Variants in ATP1A4 observed in about 807,000 individuals in gnomAD.
ATP1A4 encodes the protein ATPase Na+/K+ transporting subunit alpha 4, also known as sodium/potassium-transporting ATPase subunit alpha-4.
ATP1A4 carries 90 observed loss-of-function variants against 114.3 expected under a neutral mutation model. The observed-to-expected ratio is 0.79, with a 90% CI of 0.66 to 0.94. The LOEUF (loss-of-function observed/expected upper bound fraction) is 0.94, where lower values mean the gene tolerates loss of function less well. Among genes scored for constraint, ATP1A4 ranks in the 40% least tolerant of loss-of-function variants. The pLI, the probability that ATP1A4 is intolerant of heterozygous loss-of-function variation, is 0.00. For synonymous variants in ATP1A4, 511 were observed against 494.1 expected, an observed-to-expected ratio of 1.03 and a Z score of -0.45; for missense variants, 1,222 against 1,313.6, an observed-to-expected ratio of 0.93 and a Z score of 1.08.
chr1:160,186,902 G>A lies in ATP1A4; in HGVS notation c.*203G>A, dbSNP rs1002490515. 1 of 641,758 alleles carries A rather than the reference G, an allele frequency of 1.6e-6. No individual in the cohort carries two copies. The highest frequency in any genetic ancestry group is 2.4e-5 in the Admixed American group (1 of 41,978). 39.8% of individuals were successfully genotyped at this position (641,758 alleles called of 1,614,324 possible). On this transcript the variant is annotated 3_prime_UTR_variant, in exon 22 of 22. Coordinates refer to ENST00000368081, the MANE Select transcript of ATP1A4 (RefSeq NM_144699.4). ...GGGAAGCCCAGCCTGCATCTAGCTG[G>A]AGCCCCGCAGGGAGGGGCATGGTCC...
At chr1:160,165,603 CA>C (rs554223969) in intron 7 of ATP1A4, among the ~76,000 whole-genome samples, 99 of 148,732 alleles carry the variant, frequency 6.7e-4, no homozygotes, top group African/African-American at 1.2e-3. Flanking sequence ...ACTAAAAATA[CA>C]AAAAAAAAAT....
In ATP1A4 at chr1:160,159,510, C is replaced by T. The variant is rs1375061778; in HGVS notation, c.762C>T (p.Ser254=). 1.2e-6 allele frequency: 2 copies of T among 1,613,434 alleles called. No homozygotes were observed. Among genetic ancestry groups the T allele is most frequent in the Non-Finnish European group, 1.7e-6 (2 of 1,179,692 alleles). ...PLETRNICFF[S]TNCVEGTARG... is the part of the protein sequence containing the mutation. The stretch of plus-strand genomic sequence containing the variant: ...AGACCCGAAACATCTGCTTCTTTTC[C>T]ACCAACTGTGTGGAAGGTGAATATC... The change falls in exon 6 of 22, where the codon TCC becomes TCT. Residue 254 remains serine (S), a synonymous_variant. Coordinates refer to ENST00000368081, the MANE Select transcript of ATP1A4 (RefSeq NM_144699.4).
intron 7 of ATP1A4, among the ~76,000 whole-genome samples, 161 bp downstream of exon 7, chr1:160,164,585 CT>C (rs1652970783): frequency 6.6e-6 from 1 of 152,200 alleles, no homozygotes; most frequent in African/African-American, 2.4e-5. Flanking sequence ...ACACTGACTC[CT>C]TCTGCCCATA....
chr1:160,171,468 A>C lies in ATP1A4; in HGVS notation c.1681+28A>C, dbSNP rs569007858. 16 of 1,610,038 alleles carry C rather than the reference A, an allele frequency of 9.9e-6. 1 individual carries two copies. In the South Asian group the frequency reaches 1.8e-4, roughly 18 times the overall value. ...GAGGAGCTTTGGGAGAAGTTTTTAA[A>C]AGAATGGCATCAAAATGGTTATTAT... is the stretch of plus-strand genomic sequence containing the variant. On this transcript the variant is annotated intron_variant, in intron 11 of 21. Coordinates refer to ENST00000368081, the MANE Select transcript of ATP1A4 (RefSeq NM_144699.4).
At chr1:160,173,932 G>A (rs983424266) in intron 13 of ATP1A4, among the ~76,000 whole-genome samples, 179 bp from the exon 14 acceptor site, 1 of 152,138 alleles carries the variant, frequency 6.6e-6, no homozygotes, top group African/African-American at 2.4e-5. Context: ...GAGAGGAGTG[G>A]TTGGCAAAAG....
intron 13 of ATP1A4, 115 bp downstream of exon 13, chr1:160,173,832 G>C (rs1557804783): frequency 7.6e-7 from 1 of 1,319,978 alleles, no homozygotes; most frequent in Non-Finnish European, 1.0e-6. Flanking sequence ...AGGATGTGTG[G>C]GGTTTACACT....
rs1318805476 is a variant in ATP1A4, at chr1:160,181,690, G to A, written c.2743G>A (p.Glu915Lys). 4 of 1,613,934 alleles carry A rather than the reference G, an allele frequency of 2.5e-6. No individual in the cohort carries two copies. Among genetic ancestry groups the A allele is most frequent in the Non-Finnish European group, 3.4e-6 (4 of 1,180,018 alleles). Residue 915 changes from glutamate to lysine, a missense_variant, in exon 19 of 22, where the codon GAG becomes AAG. Physicochemically the swap from Glu to Lys is moderately conservative, Grantham distance 56. Transcript: ENST00000368081. ...CTCTCCCTGCTGTCTCTAGACCTAT[G>A]AGCAACGAAAAGTTGTGGAGTTCAC... The part of the protein sequence containing the change: ...EDSYGQQWTY[E>K]QRKVVEFTCQ...
intron 17 of ATP1A4, 21 bp downstream of exon 17, chr1:160,176,623 G>A (rs760532712): frequency 6.2e-7 from 1 of 1,610,298 alleles, no homozygotes; most frequent in East Asian, 2.2e-5. Flanking sequence ...AGGAATGAGG[G>A]GTGGAGGGAG....
At position 160,159,489 on chromosome 1, in the gene ATP1A4, C is replaced by A; in HGVS notation, c.741C>A (p.Thr247=). 6.2e-7 allele frequency: 1 copy of A among 1,613,194 alleles called. No individual in the cohort carries two copies. Among genetic ancestry groups the A allele is most frequent in the Non-Finnish European group, 8.5e-7 (1 of 1,179,804 alleles). ...PDFTHENPLE[T]RNICFFSTNC... is the part of the protein sequence containing the mutation. ...TCACCCATGAGAACCCTCTGGAGAC[C>A]CGAAACATCTGCTTCTTTTCCACCA... is the stretch of plus-strand genomic sequence containing the variant. Residue 247 remains threonine (T), a synonymous_variant, in exon 6 of 22, where the codon ACC becomes ACA. Transcript: ENST00000368081.
chr1:160,186,166 C>T (rs1316987854), intron 20 of ATP1A4, 110 bp from the exon 21 acceptor site: 9 of 772,996 alleles, frequency 1.2e-5, no homozygotes, highest in Non-Finnish European at 1.8e-5. Flanking sequence ...CAGTCCCACG[C>T]ACACAGTAGA....
At position 160,186,813 on chromosome 1, in the gene ATP1A4, G is replaced by A. The variant is rs921304046; in HGVS notation, c.*114G>A. 29 of 1,236,906 alleles carry A rather than the reference G, an allele frequency of 2.3e-5. No individual in the cohort carries two copies. The highest frequency in any genetic ancestry group is 1.9e-4 in the Middle Eastern group (1 of 5,372). 76.6% of individuals were successfully genotyped at this position (1,236,906 alleles called of 1,614,324 possible). On this transcript the variant is annotated 3_prime_UTR_variant, in exon 22 of 22. Transcript: ENST00000368081. ...GACACTAGGATGAATTATCTTGGAT[G>A]AGAAAGATGGGCAATCCTGGGCTGG... is the stretch of plus-strand genomic sequence containing the variant.
Position 160,151,765 on chromosome 1 carries a change from G to T in ATP1A4, c.-276G>T. ...CTACCTTTTTATCCTTCCACCCTAGGCTTCTCTCCTCCCTCTTCCCTCACT... is the reference window on the plus strand; with the variant it reads ...CTACCTTTTTATCCTTCCACCCTAGTCTTCTCTCCTCCCTCTTCCCTCACT... On this transcript the variant is annotated 5_prime_UTR_variant, in exon 1 of 22. Transcript: ENST00000368081. 2.7e-6 allele frequency: 1 copy of T among 366,460 alleles called. No individual in the cohort carries two copies. The highest frequency in any genetic ancestry group is 5.0e-6 in the Non-Finnish European group (1 of 200,078). 22.7% of individuals were successfully genotyped at this position (366,460 alleles called of 1,614,324 possible).
chr1:160,177,490 C>T lies in ATP1A4; in HGVS notation c.2591-29C>T, dbSNP rs1327125172. On this transcript the variant is annotated intron_variant, in intron 17 of 21. Transcript: ENST00000368081. The stretch of plus-strand genomic sequence containing the variant: ...TTGGGGCCCTTCTCTGAACCAGGCT[C>T]CCCTGTCCTGCAACTCTGTCATTCA... 6 of 1,611,986 alleles carry T rather than the reference C, an allele frequency of 3.7e-6. No individual in the cohort carries two copies. The East Asian group carries it at 8.9e-5, about 24-fold the overall frequency.
intron 4 of ATP1A4, among the ~76,000 whole-genome samples, chr1:160,158,692 T>C (rs1652760442): frequency 6.6e-6 from 1 of 152,162 alleles, no homozygotes; most frequent in African/African-American, 2.4e-5. Context: ...AAAGCACTTT[T>C]TAAACTCCTC....
intron 2 of ATP1A4, among the ~76,000 whole-genome samples, chr1:160,153,783 T>A (rs943591640): frequency 1.3e-5 from 2 of 152,208 alleles, no homozygotes; most frequent in African/African-American, 4.8e-5. Context: ...TCTGTTGTGA[T>A]GTTATGCCAG....
chr1:160,183,013 C>T (rs1653763207), intron 20 of ATP1A4: 1 of 152,274 alleles, frequency 6.6e-6, no homozygotes, highest in South Asian at 2.1e-4. Flanking sequence ...ACTCTGCTCA[C>T]CTTTCCATCC....
chr1:160,181,007 C>T (rs921507187), intron 18 of ATP1A4, among the ~76,000 whole-genome samples: 8 of 152,104 alleles, frequency 5.3e-5, no homozygotes, highest in Non-Finnish European at 7.4e-5. Flanking sequence ...AGCCACCACA[C>T]GCCCAGCCTG....
chr1:160,156,930 T>C (rs537146558), intron 4 of ATP1A4, among the ~76,000 whole-genome samples: 225 of 152,262 alleles, frequency 1.5e-3, no homozygotes, highest in Middle Eastern at 3.4e-3. Flanking sequence ...CTGAGTAGTA[T>C]AGTGAGACCT....
chr1:160,180,920 T>C (rs573914605), intron 18 of ATP1A4, among the ~76,000 whole-genome samples: 60 of 152,020 alleles, frequency 3.9e-4, no homozygotes, highest in African/African-American at 1.2e-3. Context: ...TTCATTGTGT[T>C]AGCCAGGATG....
Sources: allele counts gnomAD v4.1 joint callset (sites outside exome capture counted in the v4.1 genomes callset), GRCh38; gene constraint gnomAD v4.1.1; transcripts MANE v1.5; gene names NCBI Gene and HGNC (gene_info 2026-07-23, HGNC 2026-07-21).